Variants in THSD4 observed in about 807,000 individuals in gnomAD.
THSD4 encodes the protein thrombospondin type-1 domain-containing protein 4.
Under a neutral mutation model 119.0 loss-of-function variants are expected in THSD4, and 69 were observed. The observed-to-expected ratio is 0.58, with a 90% confidence interval of 0.48 to 0.71. The LOEUF is 0.71. Among genes scored for constraint, THSD4 ranks in the 30% least tolerant of loss-of-function variants. THSD4 has a pLI of 0.00. For synonymous variants in THSD4, 524 were observed against 540.4 expected, an observed-to-expected ratio of 0.97 and a Z score of 0.42; for missense variants, 1,393 against 1,391.1, an observed-to-expected ratio of 1.00 and a Z score of -0.02.
At chr15:71,186,158 G>T (rs2043599942) in intron 3 of THSD4, 1 of 152,160 alleles carries the variant, frequency 6.6e-6, no homozygotes, top group South Asian at 2.1e-4. Flanking sequence ...GGACAATTTT[G>T]TAATTAATAA....
chr15:71,662,832 G>A (rs1406248875), intron 8 of THSD4, among the ~76,000 whole-genome samples: 3 of 152,156 alleles, frequency 2.0e-5, no homozygotes, highest in African/African-American at 7.2e-5. Context: ...CTATTAGGCA[G>A]TTGACAAATG....
chr15:71,543,416 C>T (rs1343166513), intron 7 of THSD4, among the ~76,000 whole-genome samples: 1 of 152,046 alleles, frequency 6.6e-6, no homozygotes, highest in Non-Finnish European at 1.5e-5. Flanking sequence ...TGGATGGGAG[C>T]AGGGCAGCAG....
chr15:71,270,872 A>G (rs1238137607), intron 6 of THSD4, among the ~76,000 whole-genome samples: 1 of 150,358 alleles, frequency 6.7e-6, no homozygotes. Context: ...GCATATTAGG[A>G]GTGTATGCTA....
chr15:71,471,876 A>G (rs151278851), intron 7 of THSD4, among the ~76,000 whole-genome samples: 3 of 152,210 alleles, frequency 2.0e-5, no homozygotes, highest in East Asian at 1.9e-4. Context: ...TTGAATCCCA[A>G]CTTGGCCACA....
chr15:71,199,001 A>G (rs1226939737), intron 3 of THSD4, among the ~76,000 whole-genome samples: 1 of 152,172 alleles, frequency 6.6e-6, no homozygotes, highest in Non-Finnish European at 1.5e-5. Context: ...TTCCCTGGCA[A>G]TCCCCTACTG....
intron 7 of THSD4, among the ~76,000 whole-genome samples, chr15:71,461,824 A>C (rs890267165): frequency 1.3e-5 from 2 of 149,142 alleles, no homozygotes; most frequent in Admixed American, 6.7e-5. Context: ...TAGTGTCTGC[A>C]TTGAGAAAAG....
Position 71,777,146 on chromosome 15 carries a change from G to A in THSD4, c.2915-86G>A, listed in dbSNP as rs1408765142. On this transcript the variant is annotated intron_variant, in intron 17 of 17. Transcript: ENST00000261862. ...AATAAACAGCAGCGCAGGAGTTAAA[G>A]CCACAGCCACTGCCCTTTCTCTTCC... 13 of 1,532,412 alleles carry A rather than the reference G, an allele frequency of 8.5e-6. No homozygotes were observed. The South Asian group carries it at 1.3e-4, about 15-fold the overall frequency. The allele number at this position is 1,532,412 out of a possible 1,614,324, so 94.9% of individuals were successfully genotyped here.
rs1246686355 is a variant in THSD4, at chr15:71,115,562, C to G, written c.-216C>G. ...AATCGGGGCACAGCGGGAGCCCGTG[C>G]AGGGCGGGCGCGGGGCGGCTGGGCG... On this transcript the variant is annotated 5_prime_UTR_variant, in exon 1 of 18. Coordinates refer to ENST00000261862, the MANE Select transcript of THSD4 (RefSeq NM_024817.3). This position sits in a 1 kb window ranked among gnomAD's most constrained non-coding sequence, Gnocchi z 4.4. 6.6e-6 allele frequency: 1 copy of G among 150,430 alleles called. No individual in the cohort carries two copies. The highest frequency in any genetic ancestry group is 1.5e-5 in the Non-Finnish European group (1 of 67,508). The allele number at this position is 150,430 out of a possible 1,614,324, so 9.3% of individuals were successfully genotyped here.
At chr15:71,521,869 G>A (rs760412184) in intron 7 of THSD4, among the ~76,000 whole-genome samples, 1 of 152,192 alleles carries the variant, frequency 6.6e-6, no homozygotes, top group Non-Finnish European at 1.5e-5. Flanking sequence ...AAATGAGTAA[G>A]CTGGGATCCT....
intron 6 of THSD4, chr15:71,341,397 C>T (rs200505893): frequency 1.1e-5 from 18 of 1,612,100 alleles, no homozygotes; most frequent in Non-Finnish European, 1.3e-5. Context: ...ACATCTAAAC[C>T]CTTAAGTTCA....
At chr15:71,417,117 A>G (rs139748077) in intron 7 of THSD4, among the ~76,000 whole-genome samples, 1,261 of 106,876 alleles carry the variant, frequency 0.012, 413 homozygotes, top group Middle Eastern at 0.049. Flanking sequence ...TTGAGCTACT[A>G]TATATTTTGG....
At chr15:71,519,559 A>G (rs1230170186) in intron 7 of THSD4, among the ~76,000 whole-genome samples, 2 of 152,082 alleles carry the variant, frequency 1.3e-5, no homozygotes, top group Admixed American at 1.3e-4. Flanking sequence ...ACAGTGTTTC[A>G]CCGTGTTGGC....
At chr15:71,655,204 C>T (rs1422050779) in intron 7 of THSD4, among the ~76,000 whole-genome samples, 1 of 152,174 alleles carries the variant, frequency 6.6e-6, no homozygotes, top group Non-Finnish European at 1.5e-5. Flanking sequence ...ACACGATGAG[C>T]AAGAAACATA....
chr15:71,516,656 C>T lies in THSD4; in HGVS notation c.1152+104833C>T, dbSNP rs150075177. Among the ~76,000 whole-genome samples, 264 of 152,254 alleles carry T rather than the reference C, an allele frequency of 1.7e-3. 1 individual carries two copies. Among genetic ancestry groups the T allele is most frequent in the African/African-American group, 5.9e-3 (247 of 41,544 alleles). On this transcript the variant is annotated intron_variant, in intron 7 of 17. Transcript: ENST00000261862. Reference sequence around the variant, plus strand: ...TCACAATTTATGCCACATCTGTGTGCCACCTGTACCATTATTTACATTATT... The same window carrying T: ...TCACAATTTATGCCACATCTGTGTGTCACCTGTACCATTATTTACATTATT...
At chr15:71,109,019 CAAACAAAA>C (rs796684995) in intron 1 of THSD4, among the ~76,000 whole-genome samples, 7 of 151,994 alleles carry the variant, frequency 4.6e-5, no homozygotes, top group African/African-American at 1.7e-4. Context: ...AACAAAAAAA[CAAACAAAA>C]AAACAAAAAG....
chr15:71,596,512 T>G (rs1306090512), intron 7 of THSD4, among the ~76,000 whole-genome samples: 1 of 152,206 alleles, frequency 6.6e-6, no homozygotes, highest in Non-Finnish European at 1.5e-5. Flanking sequence ...GAGTTGCCAT[T>G]CAGATTGTCC....
chr15:71,609,722 G>C (rs540025939), intron 7 of THSD4, among the ~76,000 whole-genome samples: 1 of 151,970 alleles, frequency 6.6e-6, no homozygotes, highest in African/African-American at 2.4e-5. Flanking sequence ...CATGGTGGCA[G>C]GCGCCTATAG....
intron 1 of THSD4, among the ~76,000 whole-genome samples, chr15:71,118,175 T>G (rs946429872): frequency 3.3e-5 from 5 of 152,108 alleles, no homozygotes; most frequent in African/African-American, 1.2e-4. Context: ...AAGTACTGTA[T>G]GGACACGGTT....
intron 7 of THSD4, among the ~76,000 whole-genome samples, chr15:71,648,656 T>A (rs934045589): frequency 1.3e-5 from 2 of 152,186 alleles, no homozygotes; most frequent in African/African-American, 4.8e-5. Context: ...TACAGCTCTG[T>A]CTTCAAACAC....
Sources: gnomAD v4.1 joint callset for allele counts (sites outside exome capture counted in the v4.1 genomes callset) on GRCh38, gnomAD v4.1.1 for gene constraint, Gnocchi (gnomAD v3.1) non-coding constraint, MANE v1.5 for transcripts, NCBI Gene and HGNC (gene_info 2026-07-23, HGNC 2026-07-21) for gene names.